Variants in ANKRD26 observed in about 807,000 individuals in gnomAD.
ANKRD26 encodes the protein ankyrin repeat domain-containing protein 26.
A neutral mutation model predicts 208.7 loss-of-function variants in ANKRD26; 141 were observed. That is an observed-to-expected ratio of 0.68 (90% CI 0.59 to 0.78). The LOEUF (loss-of-function observed/expected upper bound fraction) is 0.78. ANKRD26 is among the 30% of genes least tolerant of loss of function. ANKRD26 has a pLI of 0.00. For missense variants in ANKRD26, 1,889 were observed against 1,938.7 expected (o/e 0.97, Z 0.48); for synonymous variants, 636 against 660.4 (o/e 0.96, Z 0.57).
At chr10:26,974,636 G>A (rs975941977) in exon 6 of ANKRD26, among the ~76,000 whole-genome samples, 10 of 152,088 alleles carry the variant, frequency 6.6e-5, no homozygotes, top group East Asian at 1.9e-4. Flanking sequence ...CACCGTGCCC[G>A]GCCTACCTCT....
intron 15 of ANKRD26, 122 bp from the exon 16 acceptor site, chr10:27,053,512 A>G (rs1188345759): frequency 1.4e-6 from 1 of 719,228 alleles, no homozygotes; most frequent in East Asian, 3.0e-5. Flanking sequence ...GTTTTCTTCT[A>G]TTTGTTTATG....
At chr10:27,080,023 G>A in intron 6 of ANKRD26, 1 of 395,612 alleles carries the variant, frequency 2.5e-6, no homozygotes, top group Non-Finnish European at 5.0e-6. Context: ...TGGGTGTGGT[G>A]GTGTGTACCT....
intron 3 of ANKRD26, among the ~76,000 whole-genome samples, chr10:26,985,954 A>G (rs1320124805): frequency 6.6e-6 from 1 of 152,216 alleles, no homozygotes; most frequent in Non-Finnish European, 1.5e-5. Flanking sequence ...GAACCAAAAA[A>G]GAGCCCTCAT....
intron 9 of ANKRD26, among the ~76,000 whole-genome samples, chr10:27,070,245 C>T (rs989167584): frequency 2.6e-5 from 4 of 151,314 alleles, no homozygotes; most frequent in Non-Finnish European, 5.9e-5. Flanking sequence ...ACTAAAAATA[C>T]AAAAATTAGC....
At chr10:26,977,702 C>T (rs2052248264) in intron 5 of ANKRD26, among the ~76,000 whole-genome samples, 1 of 152,174 alleles carries the variant, frequency 6.6e-6, no homozygotes, top group Admixed American at 6.5e-5. Context: ...TTTTGGTCCT[C>T]TCATTAAGCA....
exon 4 of ANKRD26, among the ~76,000 whole-genome samples, chr10:26,982,772 T>C (rs574566082): frequency 6.6e-6 from 1 of 152,180 alleles, no homozygotes; most frequent in African/African-American, 2.4e-5. Flanking sequence ...GACTTCTCAG[T>C]TGCACATTGT....
At chr10:27,028,560 T>G (rs1419943422) in intron 27 of ANKRD26, among the ~76,000 whole-genome samples, 3 of 122,346 alleles carry the variant, frequency 2.5e-5, no homozygotes, top group African/African-American at 9.7e-5. Context: ...CACTCCAGCC[T>G]GGGCGACAGA....
rs1589210681 is a variant in ANKRD26 at position 27,011,102 on chromosome 10, A to G, written c.4953+1780T>C. Among the ~76,000 whole-genome samples, 7 of 152,290 alleles carry G rather than the reference A, an allele frequency of 4.6e-5. No individual in the cohort carries two copies. In the South Asian group the frequency reaches 1.4e-3, roughly 32 times the overall value. ...AAGAAACAAGGTTGAGGTCTCATTT[A>G]ACATGAGTCTACACTTTTTTTCTCT... On this transcript the variant is annotated intron_variant, in intron 32 of 33. Coordinates refer to ENST00000376087, the MANE Select transcript of ANKRD26 (RefSeq NM_014915.3).
chr10:27,040,920 C>T (rs781109384), intron 20 of ANKRD26, among the ~76,000 whole-genome samples: 1 of 151,504 alleles, frequency 6.6e-6, no homozygotes, highest in Non-Finnish European at 1.5e-5. Flanking sequence ...ATCACAGCTA[C>T]TTGGGGGGGC....
chr10:27,092,325 C>T, intron 4 of ANKRD26, 81 bp downstream of exon 4: 1 of 1,072,870 alleles, frequency 9.3e-7, no homozygotes, highest in Non-Finnish European at 1.4e-6. Context: ...GTTTAAAAAA[C>T]CTGTAACATG....
intron 23 of ANKRD26, among the ~76,000 whole-genome samples, chr10:27,036,955 A>T (rs1039529174): frequency 4.6e-5 from 7 of 152,138 alleles, no homozygotes; most frequent in African/African-American, 1.7e-4. Flanking sequence ...TCTCCTTTGG[A>T]TGAGGCCATT....
At position 27,100,186 on chromosome 10, in the gene ANKRD26, G is replaced by A. The variant is rs373157833; in HGVS notation, c.141C>T (p.Leu47=). The change falls in exon 1 of 34, where the codon CTC becomes CTT. Residue 47 remains leucine, a synonymous_variant. Transcript: ENST00000376087. Reference sequence around the variant, plus strand: ...CGCTGGCAGCTTTGTGGATCTTGCCGAGATCTCGGTCTCGGACGTGGTAGC... The same window carrying A: ...CGCTGGCAGCTTTGTGGATCTTGCCAAGATCTCGGTCTCGGACGTGGTAGC... The part of the protein sequence containing the change: ...QPGYHVRDRD[L]GKIHKAASAG... The A allele has an allele frequency of 5.0e-5, 81 of 1,613,886 alleles. No individual in the cohort carries two copies. Among genetic ancestry groups the A allele is most frequent in the Non-Finnish European group, 6.7e-5 (79 of 1,179,974 alleles).
chr10:27,063,875 C>T lies in ANKRD26; in HGVS notation c.1363+113G>A. On this transcript the variant is annotated intron_variant, in intron 12 of 33. Coordinates refer to ENST00000376087, the MANE Select transcript of ANKRD26 (RefSeq NM_014915.3). The stretch of plus-strand genomic sequence containing the variant: ...TATCACAATTTTACCTCTCTTTATT[C>T]TTACTATGCATTTAATAGGTGATTT... 3 of 871,662 alleles carry T rather than the reference C, an allele frequency of 3.4e-6. No individual in the cohort carries two copies. The South Asian group carries it at 4.4e-5, about 13-fold the overall frequency. 54.0% of individuals were successfully genotyped at this position (871,662 alleles called of 1,614,324 possible).
intron 6 of ANKRD26, among the ~76,000 whole-genome samples, chr10:27,081,794 G>A (rs1160791164): frequency 3.3e-5 from 5 of 151,852 alleles, no homozygotes; most frequent in Non-Finnish European, 7.4e-5. Flanking sequence ...CTGGAGTGCA[G>A]TGGCGCAATC....
chr10:27,086,227 A>C (rs1413589707), intron 5 of ANKRD26, among the ~76,000 whole-genome samples: 1 of 151,992 alleles, frequency 6.6e-6, no homozygotes, highest in Non-Finnish European at 1.5e-5. Flanking sequence ...TTATAATGTA[A>C]TTATAAAGGA....
At chr10:27,013,175 T>C (rs115401361) in intron 31 of ANKRD26, 65 bp from the exon 32 acceptor site, 11 of 1,436,676 alleles carry the variant, frequency 7.7e-6, no homozygotes, top group Non-Finnish European at 9.7e-6. Flanking sequence ...CCTAAAAGAC[T>C]TGCAATTTTT....
At chr10:26,965,975 G>T in the ANKRD26 span, among the ~76,000 whole-genome samples, 1 of 152,084 alleles carries the variant, frequency 6.6e-6, no homozygotes, top group Non-Finnish European at 1.5e-5. Context: ...TTAAAAGTCA[G>T]GAAACAATAG....
At chr10:27,088,840 A>G (rs924221147) in intron 4 of ANKRD26, among the ~76,000 whole-genome samples, 4 of 152,192 alleles carry the variant, frequency 2.6e-5, no homozygotes, top group African/African-American at 7.2e-5. Flanking sequence ...AAAGACAAAC[A>G]AAAGCCTCCA....
intron 1 of ANKRD26, among the ~76,000 whole-genome samples, chr10:27,099,255 T>C (rs2056566648): frequency 6.6e-6 from 1 of 152,156 alleles, no homozygotes; most frequent in East Asian, 1.9e-4. Flanking sequence ...TCTCCTAAAA[T>C]GCTGGGTTTA....
Sources: allele counts gnomAD v4.1 joint callset (sites outside exome capture counted in the v4.1 genomes callset), GRCh38; gene constraint gnomAD v4.1.1; transcripts MANE v1.5; gene names NCBI Gene and HGNC (gene_info 2026-07-23, HGNC 2026-07-21).